Variants in NXPH2 observed in about 807,000 individuals in gnomAD.
NXPH2 encodes neurexophilin 2.
A neutral mutation model predicts 19.8 loss-of-function variants in NXPH2; 5 were observed. The ratio of observed to expected loss-of-function variants is 0.25; its 90% CI spans 0.13 to 0.53. NXPH2 has a LOEUF of 0.53. Among genes scored for constraint, NXPH2 ranks in the 20% least tolerant of loss-of-function variants. The probability of loss-of-function intolerance (pLI) is 0.96; values close to 1 mark genes in which losing one functional copy is unlikely to be tolerated. For missense variants in NXPH2, 289 were observed against 322.8 expected (o/e 0.90, Z 0.80); for synonymous variants, 154 against 127.4 (o/e 1.21, Z -1.41).
intron 1 of NXPH2, among the ~76,000 whole-genome samples, chr2:138,674,567 G>T (rs72860152): frequency 6.6e-6 from 1 of 152,056 alleles, no homozygotes; most frequent in South Asian, 2.1e-4. Context: ...TTACAGGAGC[G>T]AACCATCATG....
chr2:138,753,136 T>G (rs1302000633), intron 1 of NXPH2, among the ~76,000 whole-genome samples: 8 of 152,172 alleles, frequency 5.3e-5, no homozygotes, highest in African/African-American at 1.7e-4. Context: ...TTGGAATCCT[T>G]CTGCATGGGA....
chr2:138,695,353 A>G (rs941635342), intron 1 of NXPH2, among the ~76,000 whole-genome samples: 2 of 152,216 alleles, frequency 1.3e-5, no homozygotes, highest in African/African-American at 4.8e-5. Flanking sequence ...GAATAGCCTT[A>G]GCAAGAAAGT....
chr2:138,722,644 G>A (rs911073253), intron 1 of NXPH2, among the ~76,000 whole-genome samples: 5 of 152,222 alleles, frequency 3.3e-5, no homozygotes, highest in Non-Finnish European at 1.5e-5. Context: ...AATGATTCCA[G>A]TTGAACAACG....
intron 1 of NXPH2, among the ~76,000 whole-genome samples, chr2:138,729,081 T>C (rs2104998464): frequency 1.3e-5 from 2 of 152,238 alleles, no homozygotes. Context: ...TTACAATGTA[T>C]GGTTCCATTC....
chr2:138,712,669 C>T (rs1366127056), intron 1 of NXPH2, among the ~76,000 whole-genome samples: 1 of 152,170 alleles, frequency 6.6e-6, no homozygotes, highest in Non-Finnish European at 1.5e-5. Flanking sequence ...CTTCCTTCCC[C>T]TCACCCCCTT....
intron 1 of NXPH2, among the ~76,000 whole-genome samples, chr2:138,751,890 C>T (rs1054929034): frequency 6.6e-6 from 1 of 152,016 alleles, no homozygotes; most frequent in Non-Finnish European, 1.5e-5. Context: ...ATGTAATACT[C>T]AGAAGTGCTC....
At chr2:138,692,355 G>A (rs1284945200) in intron 1 of NXPH2, among the ~76,000 whole-genome samples, 1 of 152,156 alleles carries the variant, frequency 6.6e-6, no homozygotes, top group African/African-American at 2.4e-5. Flanking sequence ...TTTATCATCA[G>A]CCACTGCAGT....
chr2:138,727,802 G>T (rs1681381735), intron 1 of NXPH2, among the ~76,000 whole-genome samples: 1 of 151,778 alleles, frequency 6.6e-6, no homozygotes, highest in Admixed American at 6.6e-5. Flanking sequence ...CATATTATTT[G>T]ACCAAAATAA....
chr2:138,756,323 T>C (rs1175293734), intron 1 of NXPH2, among the ~76,000 whole-genome samples: 1 of 152,144 alleles, frequency 6.6e-6, no homozygotes, highest in Non-Finnish European at 1.5e-5. Context: ...ATGGGTGTTA[T>C]GTGTTATATT....
At chr2:138,755,226 C>T (rs374866157) in intron 1 of NXPH2, among the ~76,000 whole-genome samples, 18 of 152,066 alleles carry the variant, frequency 1.2e-4, no homozygotes, top group African/African-American at 3.6e-4. Flanking sequence ...TTTTTTCTTT[C>T]GCAAAGTGTG....
intron 1 of NXPH2, among the ~76,000 whole-genome samples, chr2:138,767,060 T>C (rs1682103010): frequency 6.6e-6 from 1 of 152,218 alleles, no homozygotes; most frequent in Admixed American, 6.5e-5. Context: ...ACCTCTTGTA[T>C]TACCTTCACC....
At chr2:138,730,496 G>A (rs1297966467) in intron 1 of NXPH2, among the ~76,000 whole-genome samples, 1 of 152,172 alleles carries the variant, frequency 6.6e-6, no homozygotes, top group South Asian at 2.1e-4. Flanking sequence ...AAATAGCCAG[G>A]CATCATATCT....
intron 1 of NXPH2, among the ~76,000 whole-genome samples, chr2:138,709,644 T>C (rs1163148075): frequency 6.6e-6 from 1 of 152,186 alleles, no homozygotes; most frequent in African/African-American, 2.4e-5. Flanking sequence ...CTAAATAGTT[T>C]CACTGCCCTA....
At chr2:138,699,986 T>C (rs985931364) in intron 1 of NXPH2, among the ~76,000 whole-genome samples, 2 of 152,188 alleles carry the variant, frequency 1.3e-5, no homozygotes, top group African/African-American at 2.4e-5. Flanking sequence ...AATACATCCT[T>C]GTGCTGGGCT....
At chr2:138,762,404 C>G (rs1437221386) in intron 1 of NXPH2, among the ~76,000 whole-genome samples, 1 of 152,172 alleles carries the variant, frequency 6.6e-6, no homozygotes, top group African/African-American at 2.4e-5. Flanking sequence ...ACTGCTAGCA[C>G]TAATATAATA....
intron 1 of NXPH2, among the ~76,000 whole-genome samples, chr2:138,685,159 T>A (rs1553481044): frequency 6.6e-6 from 1 of 152,230 alleles, no homozygotes; most frequent in Non-Finnish European, 1.5e-5. Flanking sequence ...AAAGCAAAAC[T>A]GAGGTTTCCT....
At chr2:138,725,546 A>C (rs944518240) in intron 1 of NXPH2, among the ~76,000 whole-genome samples, 4 of 152,212 alleles carry the variant, frequency 2.6e-5, no homozygotes, top group Non-Finnish European at 2.9e-5. Context: ...TCATGGTTTC[A>C]TGAATGAAAC....
At chr2:138,756,183 A>G (rs896590349) in intron 1 of NXPH2, among the ~76,000 whole-genome samples, 8 of 152,076 alleles carry the variant, frequency 5.3e-5, no homozygotes, top group African/African-American at 1.9e-4. Context: ...CCTTTCTAAT[A>G]TGAACACCAT....
intron 1 of NXPH2, among the ~76,000 whole-genome samples, chr2:138,777,827 AAATT>A (rs1361521623): frequency 3.9e-5 from 5 of 129,142 alleles, no homozygotes; most frequent in African/African-American, 1.4e-4. Context: ...CCTCACCAAA[AAATT>A]AAAAAAAAAA....
Sources: allele counts gnomAD v4.1 joint callset (sites outside exome capture counted in the v4.1 genomes callset), GRCh38; gene constraint gnomAD v4.1.1; transcripts MANE v1.5; gene names NCBI Gene and HGNC (gene_info 2026-07-23, HGNC 2026-07-21).